DOCK4: variants seen among roughly 807,000 people sequenced by gnomAD.
DOCK4 encodes the protein dedicator of cytokinesis 4.
In DOCK4, 97 loss-of-function variants were observed where a neutral mutation model predicts 268.1. That is an observed-to-expected ratio of 0.36 (90% CI 0.31 to 0.43). The LOEUF is 0.43. Among genes scored for constraint, DOCK4 ranks in the 20% least tolerant of loss-of-function variants. The probability of loss-of-function intolerance (pLI) is 1.00; values close to 1 mark genes in which losing one functional copy is unlikely to be tolerated. For missense variants in DOCK4, 2,145 were observed against 2,455.7 expected, an observed-to-expected ratio of 0.87 and a Z score of 2.67; for synonymous variants, 954 against 887.2, an observed-to-expected ratio of 1.08 and a Z score of -1.34.
At chr7:111,892,462 A>G (rs911062475) in intron 16 of DOCK4, among the ~76,000 whole-genome samples, 5 of 152,192 alleles carry the variant, frequency 3.3e-5, no homozygotes, top group Admixed American at 6.5e-5. Context: ...TTGGCCTCCC[A>G]AAGTGCTGGG....
At chr7:111,756,131 G>A (rs1163565241) in intron 41 of DOCK4, among the ~76,000 whole-genome samples, 2 of 152,172 alleles carry the variant, frequency 1.3e-5, no homozygotes, top group Non-Finnish European at 2.9e-5. Context: ...GGCAGATCAT[G>A]AGGTCAGGAG....
intron 47 of DOCK4, chr7:111,739,851 C>T (rs2072082): frequency 0.27 from 86,013 of 315,930 alleles, 13,152 homozygotes; most frequent in South Asian, 0.45. Flanking sequence ...ATGTTCAAAG[C>T]ATGAATTTGG....
intron 7 of DOCK4, among the ~76,000 whole-genome samples, chr7:111,981,884 A>G (rs1798637527): frequency 6.6e-6 from 1 of 152,234 alleles, no homozygotes; most frequent in African/African-American, 2.4e-5. Flanking sequence ...TGGAATGCTG[A>G]AAGAGGTGAA....
intron 1 of DOCK4, among the ~76,000 whole-genome samples, chr7:112,141,467 G>T (rs144951493): frequency 6.6e-6 from 1 of 152,274 alleles, no homozygotes; most frequent in East Asian, 1.9e-4. Flanking sequence ...TCTTGATAAC[G>T]TGAGTGGGCC....
chr7:111,862,040 C>T (rs557876079), intron 23 of DOCK4, among the ~76,000 whole-genome samples: 2 of 152,176 alleles, frequency 1.3e-5, no homozygotes, highest in Admixed American at 6.5e-5. Context: ...GTGACTCATG[C>T]CTGTAATTCC....
At chr7:111,977,652 T>A (rs939098365) in intron 7 of DOCK4, among the ~76,000 whole-genome samples, 14 of 152,222 alleles carry the variant, frequency 9.2e-5, no homozygotes, top group African/African-American at 3.4e-4. Context: ...GTTCAAAGGA[T>A]TCTTTTGCTC....
intron 1 of DOCK4, among the ~76,000 whole-genome samples, chr7:112,074,474 T>C (rs1309364691): frequency 1.3e-5 from 2 of 152,222 alleles, no homozygotes; most frequent in Admixed American, 6.5e-5. Context: ...TCTGTGATGC[T>C]GGGCTAACAA....
intron 26 of DOCK4, among the ~76,000 whole-genome samples, chr7:111,824,307 T>C (rs949322496): frequency 2.0e-5 from 3 of 152,132 alleles, no homozygotes; most frequent in Non-Finnish European, 2.9e-5. Flanking sequence ...TATATGTATA[T>C]ATATTATATA....
At chr7:111,961,274 AAAG>A (rs1278972838) in intron 8 of DOCK4, among the ~76,000 whole-genome samples, 1 of 152,196 alleles carries the variant, frequency 6.6e-6, no homozygotes, top group African/African-American at 2.4e-5. Context: ...CGCATTAATA[AAAG>A]AAGTGTCCTT....
chr7:111,959,796 T>G (rs1796721756), intron 8 of DOCK4, among the ~76,000 whole-genome samples: 1 of 152,226 alleles, frequency 6.6e-6, no homozygotes, highest in Non-Finnish European at 1.5e-5. Flanking sequence ...ATTTTCCTTG[T>G]GACACAGAAT....
intron 1 of DOCK4, among the ~76,000 whole-genome samples, chr7:112,069,547 T>C (rs1384821746): frequency 3.9e-5 from 6 of 152,212 alleles, no homozygotes; most frequent in Non-Finnish European, 8.8e-5. Context: ...GGTACCCACC[T>C]GTCTCACAGG....
rs565753466 is a variant in DOCK4, at chr7:111,870,550, G to A, written c.2028-895C>T. 2.6e-5 allele frequency among the ~76,000 whole-genome samples: 4 copies of A among 152,142 alleles called. No individual in the cohort carries two copies. The East Asian group carries it at 7.7e-4, about 29-fold the overall frequency. On this transcript the variant is annotated intron_variant, in intron 20 of 52. Coordinates refer to ENST00000428084, the MANE Select transcript of DOCK4 (RefSeq NM_001363540.2). Reference sequence around the variant, plus strand: ...TTGGTCAGGCTGGTCTTGAACTCCTGACCTCAAATGATCTGTCCACCTTGG... The same window carrying A: ...TTGGTCAGGCTGGTCTTGAACTCCTAACCTCAAATGATCTGTCCACCTTGG...
chr7:111,834,554 T>C lies in DOCK4; in HGVS notation c.2835+34A>G. On this transcript the variant is annotated intron_variant, in intron 26 of 52. Transcript: ENST00000428084. Reference sequence around the variant, plus strand: ...ATAAAAACAAGATAAACCCAAAAGATATGTTAAAGAAAACATTTTAAAATG... The same window carrying C: ...ATAAAAACAAGATAAACCCAAAAGACATGTTAAAGAAAACATTTTAAAATG... 2.1e-6 allele frequency: 3 copies of C among 1,446,666 alleles called. No individual in the cohort carries two copies. The East Asian group carries it at 7.4e-5, about 36-fold the overall frequency. The allele number at this position is 1,446,666 out of a possible 1,614,324, so 89.6% of individuals were successfully genotyped here. A position where few individuals can be genotyped will look rare whatever the true frequency, so the allele number is the denominator to read the frequency against.
chr7:112,000,886 C>T (rs1404463490), intron 2 of DOCK4, among the ~76,000 whole-genome samples: 1 of 152,170 alleles, frequency 6.6e-6, no homozygotes, highest in African/African-American at 2.4e-5. Context: ...AGTACCACTT[C>T]TTCCCATTTT....
chr7:111,742,057 G>C lies in DOCK4; in HGVS notation c.4753C>G (p.Leu1585Val). Residue 1585 changes from leucine (L) to valine (V), a missense_variant, in exon 45 of 53, where the codon CTG (leucine) becomes GTG (valine). Transcript: ENST00000428084. ...PQDMRPLHKK[L>V]VDQFFVMKSS... ...TTCATCACAAAGAATTGGTCAACCA[G>C]CTTTTTGTGAAGGGGTCTCATATCT... is the stretch of plus-strand genomic sequence containing the variant. 1.2e-6 allele frequency: 2 copies of C among 1,609,096 alleles called. No individual in the cohort carries two copies. The highest frequency in any genetic ancestry group is 1.7e-6 in the Non-Finnish European group (2 of 1,177,770).
At chr7:111,925,786 T>A (rs1793562060) in intron 12 of DOCK4, among the ~76,000 whole-genome samples, 1 of 151,854 alleles carries the variant, frequency 6.6e-6, no homozygotes, top group Admixed American at 6.6e-5. Flanking sequence ...CAATTTAAAA[T>A]GAAAAGAAAG....
intron 12 of DOCK4, among the ~76,000 whole-genome samples, chr7:111,921,901 T>C (rs547868650): frequency 4.1e-4 from 63 of 152,322 alleles, no homozygotes; most frequent in South Asian, 3.1e-3. Flanking sequence ...ATATTTCTTT[T>C]AATAGTTGTG....
chr7:112,083,752 A>G (rs1808803232), intron 1 of DOCK4, among the ~76,000 whole-genome samples: 1 of 152,172 alleles, frequency 6.6e-6, no homozygotes, highest in Admixed American at 6.6e-5. Flanking sequence ...GATATTAAAG[A>G]TATGAATAAT....
chr7:111,876,671 A>T (rs17548278), intron 17 of DOCK4, among the ~76,000 whole-genome samples: 22,184 of 151,942 alleles, frequency 0.15, 1,811 homozygotes, highest in Non-Finnish European at 0.18. Context: ...TAAACAAAAA[A>T]CAGCCTTTAT....
Sources: allele counts gnomAD v4.1 joint callset (sites outside exome capture counted in the v4.1 genomes callset), GRCh38; gene constraint gnomAD v4.1.1; transcripts MANE v1.5; gene names NCBI Gene and HGNC (gene_info 2026-07-23, HGNC 2026-07-21).